The following ZSCAN30 variants were observed in gnomAD, a reference collection of about 807,000 sequenced individuals.
ZSCAN30 encodes the protein zinc finger and SCAN domain containing 30, also known as zinc finger and SCAN domain-containing protein 30.
A neutral mutation model predicts 44.3 loss-of-function variants in ZSCAN30; 37 were observed. The ratio of observed to expected loss-of-function variants is 0.84; its 90% CI spans 0.64 to 1.10. The LOEUF (loss-of-function observed/expected upper bound fraction) is 1.10, where lower values mean the gene tolerates loss of function less well. ZSCAN30 is among the 50% of genes least tolerant of loss of function. ZSCAN30 has a pLI of 0.00. For missense variants in ZSCAN30, 549 were observed against 582.6 expected (o/e 0.94, Z 0.59); for synonymous variants, 181 against 204.6 (o/e 0.88, Z 0.98).
chr18:35,269,899 A>G (rs1444758127), intron 1 of ZSCAN30: 1 of 152,078 alleles, frequency 6.6e-6, no homozygotes, highest in Non-Finnish European at 1.5e-5. Flanking sequence ...CATAAGGTTT[A>G]TACACAGAAC....
chr18:35,270,322 G>T (rs1039295920), intron 1 of ZSCAN30: 1 of 152,188 alleles, frequency 6.6e-6, no homozygotes, highest in African/African-American at 2.4e-5. Flanking sequence ...AGAAATAGGG[G>T]AACGAGGGAA....
chr18:35,267,899 G>A (rs925344010), intron 1 of ZSCAN30: 1 of 152,150 alleles, frequency 6.6e-6, no homozygotes, highest in African/African-American at 2.4e-5. Flanking sequence ...TGACTGCGAA[G>A]ACGACAGTCC....
In ZSCAN30 at chr18:35,255,458, A is replaced by G. The variant is rs563515525; in HGVS notation, c.554-1077T>C. 7.2e-5 allele frequency among the ~76,000 whole-genome samples: 11 copies of G among 152,216 alleles called. No homozygotes were observed. In the South Asian group the frequency reaches 2.3e-3, roughly 32 times the overall value. On this transcript the variant is annotated intron_variant, in intron 3 of 3. Transcript: ENST00000333206. The stretch of plus-strand genomic sequence containing the variant: ...GCTCAGAGAAGCTAAGTCTGGCCAT[A>G]GAAGTAATAATTGCTAAGAGTTAGG...
At chr18:35,280,181 T>TG (rs1486528317) in intron 1 of ZSCAN30, among the ~76,000 whole-genome samples, 4 of 148,638 alleles carry the variant, frequency 2.7e-5, no homozygotes, top group African/African-American at 1.0e-4. Flanking sequence ...AAGGTTGAGG[T>TG]GGGAGGATCA....
intron 3 of ZSCAN30, 66 bp from the exon 4 acceptor site, chr18:35,254,447 G>A: frequency 1.2e-6 from 2 of 1,610,802 alleles, no homozygotes; most frequent in Non-Finnish European, 1.7e-6. Context: ...TGTTGTAGCA[G>A]GAACACAAAC....
At chr18:35,289,108 T>C (rs925032605) in intron 1 of ZSCAN30, among the ~76,000 whole-genome samples, 2 of 152,060 alleles carry the variant, frequency 1.3e-5, no homozygotes, top group Non-Finnish European at 2.9e-5. Context: ...CCCAAGTAGC[T>C]GGGATTAAAG....
At chr18:35,260,846 G>A (rs2044010146) in intron 3 of ZSCAN30, 1 of 152,042 alleles carries the variant, frequency 6.6e-6, no homozygotes, top group South Asian at 2.1e-4. Flanking sequence ...CTGTGCAAAA[G>A]CTCTTTAATT....
chr18:35,277,330 T>G (rs1298404808), intron 1 of ZSCAN30, among the ~76,000 whole-genome samples: 2 of 152,138 alleles, frequency 1.3e-5, no homozygotes, highest in East Asian at 3.9e-4. Context: ...TTTTGAAATG[T>G]GAGGACATGA....
chr18:35,251,152 A>G lies in ZSCAN30; in HGVS notation c.*2298T>C, dbSNP rs2043577885. 6.6e-6 allele frequency: 1 copy of G among 152,254 alleles called. No individual in the cohort carries two copies. The highest frequency in any genetic ancestry group is 2.4e-5 in the African/African-American group (1 of 41,470). 9.4% of individuals were successfully genotyped at this position (152,254 alleles called of 1,614,324 possible). On this transcript the variant is annotated 3_prime_UTR_variant, in exon 4 of 4. Coordinates refer to ENST00000333206, the MANE Select transcript of ZSCAN30 (RefSeq NM_001112734.4). The stretch of plus-strand genomic sequence containing the variant: ...TAAATTTTGAAATTAGTTACCAAAA[A>G]TCATTTACTAAACAGTAGTTTTACT...
In ZSCAN30 at chr18:35,264,191, A is replaced by C. The variant is rs1023476277; in HGVS notation, c.162T>G (p.Phe54Leu). The C allele has an allele frequency of 1.2e-6, 2 of 1,614,200 alleles. No individual in the cohort carries two copies. Among genetic ancestry groups the C allele is most frequent in the African/African-American group, 1.3e-5 (1 of 75,046 alleles). Residue 54 changes from phenylalanine (F) to leucine (L), a missense_variant, in exon 2 of 4, where the codon TTT becomes TTG. Coordinates refer to ENST00000333206, the MANE Select transcript of ZSCAN30 (RefSeq NM_001112734.4). The part of the protein sequence containing the change: ...QEVFRQKFRQ[F>L]SYSDSTGPRE... ...GAGGGCCAGTGGAGTCAGAGTAACT[A>C]AACTGCCTGAACTTCTGCCGGAATA...
rs535147063 is a variant in ZSCAN30 at position 35,267,607 on chromosome 18, C to G, written c.-103-3152G>C. 2.6e-5 allele frequency: 4 copies of G among 152,116 alleles called. No individual in the cohort carries two copies. In the South Asian group the frequency reaches 8.3e-4, roughly 32 times the overall value. The allele number at this position is 152,116 out of a possible 1,614,324, so 9.4% of individuals were successfully genotyped here. On this transcript the variant is annotated intron_variant, in intron 1 of 3. Transcript: ENST00000333206. ...CCGCAGCTCTGTGGCAGGCGCGGGT[C>G]GTGTCTCGCAGGAGGGGCGCGGGTC...
intron 3 of ZSCAN30, chr18:35,258,289 A>C (rs1230533399): frequency 2.8e-6 from 1 of 352,116 alleles, no homozygotes; most frequent in Non-Finnish European, 5.3e-6. Flanking sequence ...TGCTAAGTCC[A>C]AGGACATTGG....
chr18:35,254,200 G>A lies in ZSCAN30; in HGVS notation c.735C>T (p.Asn245=). ...SKKQKGNAAG[N]KISQLPSQDR... is the part of the protein sequence containing the mutation. ...CCTGGGAAGGAAGCTGACTGATTTT[G>A]TTCCCTGCAGCATTTCCCTTTTGCT... The change falls in exon 4 of 4, where the codon AAC becomes AAT. Residue 245 remains asparagine, a synonymous_variant. Coordinates refer to ENST00000333206, the MANE Select transcript of ZSCAN30 (RefSeq NM_001112734.4). 1 of 1,614,128 alleles carries A rather than the reference G, an allele frequency of 6.2e-7. No homozygotes were observed. The highest frequency in any genetic ancestry group is 8.5e-7 in the Non-Finnish European group (1 of 1,180,010).
At chr18:35,271,126 C>T (rs948424538) in intron 1 of ZSCAN30, among the ~76,000 whole-genome samples, 5 of 152,058 alleles carry the variant, frequency 3.3e-5, no homozygotes, top group African/African-American at 1.2e-4. Flanking sequence ...AGATTTATTG[C>T]AAAAAGCAAA....
chr18:35,255,430 G>A (rs1184589604), intron 3 of ZSCAN30, among the ~76,000 whole-genome samples: 1 of 151,966 alleles, frequency 6.6e-6, no homozygotes, highest in South Asian at 2.1e-4. Context: ...TCAGGAAACT[G>A]AGGCTCAGAG....
Position 35,257,957 on chromosome 18 carries a change from A to G in ZSCAN30, c.554-3576T>C, listed in dbSNP as rs764982961. 5.1e-6 allele frequency: 4 copies of G among 780,936 alleles called. No homozygotes were observed. The South Asian group carries it at 5.4e-5, about 10-fold the overall frequency. 48.4% of individuals were successfully genotyped at this position (780,936 alleles called of 1,614,324 possible). ...TTCCTGAAGAACACATCGTCAATAA[A>G]TCACCTGCACCCAAATCTCCATCTC... On this transcript the variant is annotated intron_variant, in intron 3 of 3. Coordinates refer to ENST00000333206, the MANE Select transcript of ZSCAN30 (RefSeq NM_001112734.4).
In ZSCAN30 at chr18:35,257,458, A is replaced by G. The variant is rs144381614; in HGVS notation, c.554-3077T>C. ...GTGACTAGGTCATGAGGGCTTAGTG[A>G]TCTTATAAAATAGGCCCTATGGTGC... On this transcript the variant is annotated intron_variant, in intron 3 of 3. Transcript: ENST00000333206. 2.4e-4 allele frequency: 38 copies of G among 161,302 alleles called. 1 individual carries two copies. The East Asian group carries it at 7.0e-3, about 30-fold the overall frequency. The allele number at this position is 161,302 out of a possible 1,614,324, so 10.0% of individuals were successfully genotyped here.
intron 1 of ZSCAN30, chr18:35,267,057 A>C (rs1418810942): frequency 2.0e-5 from 3 of 152,752 alleles, no homozygotes; most frequent in African/African-American, 7.2e-5. Flanking sequence ...AGGCAGGAGG[A>C]TCACTTGAGT....
chr18:35,289,336 C>T (rs538316405), intron 1 of ZSCAN30: 1 of 152,210 alleles, frequency 6.6e-6, no homozygotes, highest in African/African-American at 2.4e-5. Flanking sequence ...GACTCAAGTT[C>T]CCACATCTCT....
Sources: gnomAD v4.1 joint callset for allele counts (sites outside exome capture counted in the v4.1 genomes callset) on GRCh38, gnomAD v4.1.1 for gene constraint, MANE v1.5 for transcripts, NCBI Gene and HGNC (gene_info 2026-07-23, HGNC 2026-07-21) for gene names.